The following VSNL1 variants were observed in gnomAD, a reference collection of about 807,000 sequenced individuals.
VSNL1 encodes the protein visinin-like protein 1.
In VSNL1, 6 loss-of-function variants were observed where a neutral mutation model predicts 20.4. That is an observed-to-expected ratio of 0.29 (90% confidence interval 0.16 to 0.58). The LOEUF (loss-of-function observed/expected upper bound fraction) is 0.58. VSNL1 is among the 20% of genes least tolerant of loss of function. VSNL1 has a pLI of 0.90. For synonymous variants in VSNL1, 93 were observed against 86.4 expected (o/e 1.08, Z -0.42); for missense variants, 100 against 234.5 (o/e 0.43, Z 3.75).
At chr2:17,622,334 C>T (rs113801851) in intron 2 of VSNL1, among the ~76,000 whole-genome samples, 3,959 of 151,200 alleles carry the variant, frequency 0.026, 72 homozygotes, top group Non-Finnish European at 0.042. Flanking sequence ...CCTGTCTGTA[C>T]TAAAAATACA....
At chr2:17,597,131 G>A (rs1016711991) in intron 2 of VSNL1, among the ~76,000 whole-genome samples, 2 of 152,164 alleles carry the variant, frequency 1.3e-5, no homozygotes, top group African/African-American at 4.8e-5. Context: ...TTGTGGGTTT[G>A]GGGGCAGTGG....
intron 2 of VSNL1, among the ~76,000 whole-genome samples, chr2:17,619,072 G>A (rs376567540): frequency 1.5e-4 from 23 of 152,264 alleles, no homozygotes; most frequent in East Asian, 7.7e-4. Context: ...TGTGCCACAC[G>A]GCAGGGGCTC....
intron 1 of VSNL1, among the ~76,000 whole-genome samples, chr2:17,551,527 A>G (rs1365916529): frequency 6.6e-6 from 1 of 152,226 alleles, no homozygotes; most frequent in Admixed American, 6.5e-5. Context: ...CAATACTTTG[A>G]TAAAGTGGCT....
chr2:17,556,053 C>T lies in VSNL1; in HGVS notation c.-6+15135C>T, dbSNP rs939390587. The stretch of plus-strand genomic sequence containing the variant: ...CAGAATACCTGCCTCATTTCTTTGC[C>T]TTTTAAAACATGGCATCAAACAAAA... On this transcript the variant is annotated intron_variant, in intron 1 of 3. Transcript: ENST00000295156. Among the ~76,000 whole-genome samples the T allele has an allele frequency of 2.6e-5, 4 of 152,098 alleles. No individual in the cohort carries two copies. The South Asian group carries it at 8.3e-4, about 32-fold the overall frequency.
At chr2:17,579,064 CT>C (rs1255396615) in intron 1 of VSNL1, among the ~76,000 whole-genome samples, 1 of 152,198 alleles carries the variant, frequency 6.6e-6, no homozygotes, top group Non-Finnish European at 1.5e-5. Flanking sequence ...TGAAAACCTA[CT>C]CCCTCTTTTT....
chr2:17,580,885 T>C (rs1664335254), intron 1 of VSNL1, among the ~76,000 whole-genome samples: 1 of 152,242 alleles, frequency 6.6e-6, no homozygotes, highest in Non-Finnish European at 1.5e-5. Context: ...ATAAATGTTA[T>C]ATGCTCATTA....
chr2:17,577,217 GCACATGACATTATATA>G (rs1327727446), intron 1 of VSNL1, among the ~76,000 whole-genome samples: 3 of 152,106 alleles, frequency 2.0e-5, no homozygotes, highest in African/African-American at 7.2e-5. Context: ...TCACTCTGAG[GCACATGACATTATATA>G]CACATACATA....
At chr2:17,607,378 T>C (rs1288793941) in intron 2 of VSNL1, among the ~76,000 whole-genome samples, 1 of 152,178 alleles carries the variant, frequency 6.6e-6, no homozygotes, top group Non-Finnish European at 1.5e-5. Flanking sequence ...GATCTGGAGA[T>C]ACAAAAATGA....
chr2:17,598,416 G>T (rs1477805712), intron 2 of VSNL1, among the ~76,000 whole-genome samples: 1 of 152,206 alleles, frequency 6.6e-6, no homozygotes, highest in East Asian at 1.9e-4. Flanking sequence ...AAACTGTAAC[G>T]CATCTCAGAA....
At chr2:17,651,961 C>T (rs549518845) in intron 3 of VSNL1, among the ~76,000 whole-genome samples, 1 of 152,216 alleles carries the variant, frequency 6.6e-6, no homozygotes, top group South Asian at 2.1e-4. Context: ...GTGATCTTTT[C>T]GAGGCAGTTT....
chr2:17,548,487 T>C (rs1440704378), intron 1 of VSNL1, among the ~76,000 whole-genome samples: 1 of 152,182 alleles, frequency 6.6e-6, no homozygotes, highest in Admixed American at 6.5e-5. Flanking sequence ...TTCTAATTAA[T>C]CTTTTGAGTT....
intron 2 of VSNL1, among the ~76,000 whole-genome samples, chr2:17,632,627 T>G (rs968979353): frequency 2.6e-5 from 4 of 152,212 alleles, no homozygotes; most frequent in African/African-American, 9.6e-5. Context: ...ATAATAACTC[T>G]GAGTGGTAGG....
intron 1 of VSNL1, among the ~76,000 whole-genome samples, chr2:17,559,409 A>C (rs1429243950): frequency 7.9e-6 from 1 of 125,894 alleles, no homozygotes; most frequent in Non-Finnish European, 1.6e-5. Context: ...AAAAACCAGC[A>C]AAAAAAAAAA....
chr2:17,582,262 G>A (rs531144203), intron 1 of VSNL1, among the ~76,000 whole-genome samples: 2 of 152,162 alleles, frequency 1.3e-5, no homozygotes, highest in Non-Finnish European at 2.9e-5. Flanking sequence ...TGGAGGGAAA[G>A]TGTAGGCCCA....
intron 1 of VSNL1, among the ~76,000 whole-genome samples, chr2:17,574,478 T>C (rs1664159093): frequency 6.6e-6 from 1 of 152,028 alleles, no homozygotes; most frequent in African/African-American, 2.4e-5. Context: ...TTCATCTTTC[T>C]TATTCAGATT....
At chr2:17,550,434 C>T (rs573429385) in intron 1 of VSNL1, among the ~76,000 whole-genome samples, 86 of 152,172 alleles carry the variant, frequency 5.7e-4, no homozygotes, top group Non-Finnish European at 9.3e-4. Flanking sequence ...GGTTGTAGAA[C>T]TTGAGCCCAC....
chr2:17,572,991 A>G (rs990652580), intron 1 of VSNL1, among the ~76,000 whole-genome samples: 1 of 152,380 alleles, frequency 6.6e-6, no homozygotes, highest in Non-Finnish European at 1.5e-5. Context: ...TAAATACTGG[A>G]CATATAAAAG....
chr2:17,609,989 C>G (rs963804662), intron 2 of VSNL1, among the ~76,000 whole-genome samples: 1 of 152,212 alleles, frequency 6.6e-6, no homozygotes, highest in Non-Finnish European at 1.5e-5. Context: ...ACTTTTGTTT[C>G]TTGCTGTGTG....
At chr2:17,626,391 A>C (rs1456521534) in intron 2 of VSNL1, among the ~76,000 whole-genome samples, 2 of 152,192 alleles carry the variant, frequency 1.3e-5, no homozygotes, top group African/African-American at 4.8e-5. Flanking sequence ...GAACTGGAAA[A>C]GGTGACAGGA....
Sources: gnomAD v4.1 joint callset for allele counts (sites outside exome capture counted in the v4.1 genomes callset) on GRCh38, gnomAD v4.1.1 for gene constraint, MANE v1.5 for transcripts, NCBI Gene and HGNC (gene_info 2026-07-23, HGNC 2026-07-21) for gene names.